Variants in SVIL observed in about 807,000 individuals in gnomAD.
SVIL encodes the protein archvillin.
SVIL carries 101 observed loss-of-function variants against 240.4 expected under a neutral mutation model. The ratio of observed to expected loss-of-function variants is 0.42; its 90% CI spans 0.36 to 0.50. The LOEUF is 0.50. Ranked by LOEUF, SVIL falls within the 20% of genes least tolerant of loss-of-function variation. The pLI is 0.01. For missense variants in SVIL, 2,512 were observed against 2,818.7 expected (o/e 0.89, Z 2.46); for synonymous variants, 999 against 1,100.0 (o/e 0.91, Z 1.82).
chr10:29,694,409 TA>T (rs1166160147), intron 1 of SVIL, among the ~76,000 whole-genome samples: 1 of 151,420 alleles, frequency 6.6e-6, no homozygotes, highest in East Asian at 2.0e-4. Context: ...CTTAAAAAAA[TA>T]AATTGATACA....
rs1336476679 is a variant in SVIL at position 29,470,488 on chromosome 10, A to G, written c.5636-5T>C. 6.2e-7 allele frequency: 1 copy of G among 1,613,992 alleles called. No individual in the cohort carries two copies. Among genetic ancestry groups the G allele is most frequent in the South Asian group, 1.1e-5 (1 of 91,080 alleles). ...CGCAGTACAGCCGCCACTCACCTGC[A>G]GGGGGCACCGGCGGCGCGGAGGAGT... On this transcript the variant is annotated splice_region_variant and splice_polypyrimidine_tract_variant and intron_variant, in intron 31 of 37. Transcript: ENST00000355867.
chr10:29,648,346 G>A (rs970012213), intron 3 of SVIL, among the ~76,000 whole-genome samples: 1 of 152,208 alleles, frequency 6.6e-6, no homozygotes, highest in East Asian at 1.9e-4. Context: ...TAGAGGCCTG[G>A]CTGCATCCCA....
Position 29,458,096 on chromosome 10 carries a change from G to A in SVIL, c.*151C>T, listed in dbSNP as rs1274658645. ...GAACATTTACAAAATACACAACTCC[G>A]GGACAAGCAGTATCTTTAACAATGT... is the stretch of plus-strand genomic sequence containing the variant. On this transcript the variant is annotated 3_prime_UTR_variant, in exon 38 of 38. Transcript: ENST00000355867. 3.9e-5 allele frequency: 29 copies of A among 737,086 alleles called. No homozygotes were observed. Among genetic ancestry groups the A allele is most frequent in the Middle Eastern group, 4.0e-4 (1 of 2,528 alleles). The allele number at this position is 737,086 out of a possible 1,614,324, so 45.7% of individuals were successfully genotyped here. A position where few individuals can be genotyped will look rare whatever the true frequency, so the allele number is the denominator to read the frequency against.
At chr10:29,548,606 C>T (rs1302923241) in intron 6 of SVIL, among the ~76,000 whole-genome samples, 1 of 152,136 alleles carries the variant, frequency 6.6e-6, no homozygotes, top group East Asian at 1.9e-4. Flanking sequence ...GGCTGATCTT[C>T]ATAATGCGGG....
In SVIL at chr10:29,561,625, T is replaced by C. The variant is rs1187656533; in HGVS notation, c.-51+1576A>G. Among the ~76,000 whole-genome samples the C allele has an allele frequency of 1.4e-4, 21 of 151,962 alleles. 1 individual carries two copies. The highest frequency in any genetic ancestry group is 4.8e-5 in the African/African-American group (2 of 41,376). ...GTCTTTCACAGAGAGTCCTAAACAT[T>C]GGCAGAGCCATTCCATCTGACAGCC... On this transcript the variant is annotated intron_variant, in intron 3 of 37. Coordinates refer to ENST00000355867, the MANE Select transcript of SVIL (RefSeq NM_021738.3).
intron 29 of SVIL, among the ~76,000 whole-genome samples, chr10:29,479,034 C>T (rs1336444077): frequency 6.6e-6 from 1 of 151,962 alleles, no homozygotes; most frequent in African/African-American, 2.4e-5. Flanking sequence ...GAGGCTGGAG[C>T]TGCCTGGGCC....
At chr10:29,485,974 A>G in intron 26 of SVIL, 111 bp downstream of exon 26, 1 of 1,242,858 alleles carries the variant, frequency 8.0e-7, no homozygotes, top group Non-Finnish European at 1.1e-6. Context: ...TACAATGGAT[A>G]CCGACACTGG....
At chr10:29,632,137 A>C (rs1958120460) in intron 1 of SVIL, among the ~76,000 whole-genome samples, 1 of 152,114 alleles carries the variant, frequency 6.6e-6, no homozygotes, top group South Asian at 2.1e-4. Context: ...AGCTCACCAG[A>C]CATCCTTATA....
chr10:29,725,896 C>T (rs751447336), intron 1 of SVIL, among the ~76,000 whole-genome samples: 2 of 152,182 alleles, frequency 1.3e-5, no homozygotes, highest in Non-Finnish European at 2.9e-5. Flanking sequence ...CTAGGGCTAA[C>T]TCCTCACCTA....
rs553418455 is a variant in SVIL, at chr10:29,701,976, C to T, written c.-399-15325G>A. ...ATCACCTGAGGTCAGGAGTTCGAGACCAGCCTGGCCAAAACGGTGAAACCC... is the reference window on the plus strand; with the variant it reads ...ATCACCTGAGGTCAGGAGTTCGAGATCAGCCTGGCCAAAACGGTGAAACCC... On this transcript the variant is annotated intron_variant, in intron 1 of 35. Coordinates refer to the SVIL transcript ENST00000375400. Among the ~76,000 whole-genome samples the T allele has an allele frequency of 1.9e-4, 29 of 152,148 alleles. 1 individual carries two copies. The highest frequency in any genetic ancestry group is 6.7e-4 in the African/African-American group (28 of 41,526).
At chr10:29,478,924 CAAAAAAAAAAAAAA>C (rs71020791) in intron 29 of SVIL, among the ~76,000 whole-genome samples, 1 of 63,040 alleles carries the variant, frequency 1.6e-5, no homozygotes, top group African/African-American at 5.6e-5. Flanking sequence ...AACCCTGTCT[CAAAAAAAAAAAAAA>C]AAAAAAAAAA....
At chr10:29,482,172 G>A (rs896529165) in intron 27 of SVIL, among the ~76,000 whole-genome samples, 3 of 152,038 alleles carry the variant, frequency 2.0e-5, no homozygotes, top group African/African-American at 7.2e-5. Context: ...GGAACTGCAG[G>A]TGTGTGCCAC....
At chr10:29,699,127 T>G (rs1020886605) in intron 1 of SVIL, among the ~76,000 whole-genome samples, 1 of 152,308 alleles carries the variant, frequency 6.6e-6, no homozygotes, top group African/African-American at 2.4e-5. Flanking sequence ...GGTTGCTGTA[T>G]GTTATTTTTT....
intron 1 of SVIL, among the ~76,000 whole-genome samples, chr10:29,706,753 G>C (rs1389319252): frequency 7.9e-5 from 12 of 151,990 alleles, no homozygotes; most frequent in Non-Finnish European, 1.5e-5. Flanking sequence ...GTTTTCTTCT[G>C]GGGTTTTTAT....
At chr10:29,562,769 G>GAAAAAAAAAAAAAAAAAAAAA (rs34507610) in intron 3 of SVIL, among the ~76,000 whole-genome samples, 2 of 115,716 alleles carry the variant, frequency 1.7e-5, no homozygotes, top group Non-Finnish European at 3.5e-5. Flanking sequence ...TCAAAAAAAA[G>GAAAAAAAAAAAAAAAAAAAAA]AAAAAAAAAA....
At chr10:29,470,968 G>A (rs1945506809) in intron 31 of SVIL, among the ~76,000 whole-genome samples, 170 bp downstream of exon 31, 1 of 152,122 alleles carries the variant, frequency 6.6e-6, no homozygotes, top group Non-Finnish European at 1.5e-5. Context: ...TCCAGGGAGA[G>A]GCGGGTCATG....
intron 13 of SVIL, among the ~76,000 whole-genome samples, chr10:29,525,125 T>C (rs1808884793): frequency 6.6e-6 from 1 of 152,202 alleles, no homozygotes; most frequent in African/African-American, 2.4e-5. Flanking sequence ...TCTTTCATTT[T>C]AAATAATTAG....
intron 2 of SVIL, among the ~76,000 whole-genome samples, chr10:29,659,717 C>T (rs1413034785): frequency 6.6e-6 from 1 of 152,178 alleles, no homozygotes; most frequent in Non-Finnish European, 1.5e-5. Context: ...GGAATTCAGA[C>T]AGTCATGAAC....
intron 3 of SVIL, among the ~76,000 whole-genome samples, chr10:29,655,229 G>C (rs537771922): frequency 1.3e-5 from 2 of 152,318 alleles, no homozygotes; most frequent in South Asian, 4.1e-4. Flanking sequence ...CTGGGGAAGA[G>C]AGAAGCTGGT....
Sources: allele counts gnomAD v4.1 joint callset (sites outside exome capture counted in the v4.1 genomes callset), GRCh38; gene constraint gnomAD v4.1.1; transcripts MANE v1.5; gene names NCBI Gene and HGNC (gene_info 2026-07-23, HGNC 2026-07-21).